MCTP1: variants seen among roughly 807,000 people sequenced by gnomAD.
MCTP1 encodes the protein multiple C2 and transmembrane domain-containing protein 1.
In MCTP1, 69 loss-of-function variants were observed where a neutral mutation model predicts 120.6. The ratio of observed to expected loss-of-function variants is 0.57; its 90% CI spans 0.47 to 0.70. MCTP1 has a LOEUF of 0.70. Among genes scored for constraint, MCTP1 ranks in the 30% least tolerant of loss-of-function variants. The pLI is 0.00. For missense variants in MCTP1, 1,203 were observed against 1,248.8 expected (o/e 0.96, Z 0.55); for synonymous variants, 529 against 493.1 (o/e 1.07, Z -0.96).
chr5:94,997,640 A>G (rs747453362), intron 2 of MCTP1, among the ~76,000 whole-genome samples: 19 of 152,190 alleles, frequency 1.2e-4, no homozygotes, highest in Non-Finnish European at 2.5e-4. Context: ...CTGCCCCTGT[A>G]CTACCTATCA....
chr5:94,735,741 T>C lies in MCTP1; in HGVS notation c.2611-20855A>G, dbSNP rs75500776. On this transcript the variant is annotated intron_variant, in intron 19 of 22. Transcript: ENST00000515393. ...TTCTAAACTACTGATAGACTAAGTATAATTTTTCTTAAGTGCCAATTTCCA... is the reference window on the plus strand; with the variant it reads ...TTCTAAACTACTGATAGACTAAGTACAATTTTTCTTAAGTGCCAATTTCCA... Among the ~76,000 whole-genome samples, 181 of 151,980 alleles carry C rather than the reference T, an allele frequency of 1.2e-3. 1 individual carries two copies. The highest frequency in any genetic ancestry group is 4.3e-3 in the African/African-American group (177 of 41,404).
At chr5:95,002,924 A>G (rs1834004676) in intron 2 of MCTP1, among the ~76,000 whole-genome samples, 4 of 152,208 alleles carry the variant, frequency 2.6e-5, no homozygotes, top group Non-Finnish European at 5.9e-5. Flanking sequence ...ATGTAATCCC[A>G]TAATCCCCAC....
At chr5:95,185,735 C>T (rs1223135748) in intron 1 of MCTP1, among the ~76,000 whole-genome samples, 3 of 151,634 alleles carry the variant, frequency 2.0e-5, no homozygotes, top group East Asian at 1.9e-4. Flanking sequence ...TGGTGGTTCA[C>T]GCCTGTAATC....
intron 19 of MCTP1, among the ~76,000 whole-genome samples, chr5:94,733,449 T>G (rs576898944): frequency 6.6e-6 from 1 of 152,340 alleles, no homozygotes; most frequent in Non-Finnish European, 1.5e-5. Flanking sequence ...TGTGTGTATT[T>G]TGTATCAGCA....
chr5:94,740,033 A>G (rs187571796), intron 19 of MCTP1, among the ~76,000 whole-genome samples: 41 of 152,314 alleles, frequency 2.7e-4, no homozygotes, highest in Admixed American at 2.6e-3. Context: ...GAAGTGCTAC[A>G]GTAATTACTT....
chr5:95,080,527 C>A (rs1754658794), intron 1 of MCTP1, among the ~76,000 whole-genome samples: 1 of 152,144 alleles, frequency 6.6e-6, no homozygotes, highest in African/African-American at 2.4e-5. Context: ...TAATATCTTA[C>A]TAATTCAGTT....
At chr5:94,809,512 C>G (rs1172746816) in intron 17 of MCTP1, among the ~76,000 whole-genome samples, 1 of 152,052 alleles carries the variant, frequency 6.6e-6, no homozygotes, top group Non-Finnish European at 1.5e-5. Context: ...TGTTGATTCT[C>G]CAAGGTCCCT....
intron 19 of MCTP1, among the ~76,000 whole-genome samples, chr5:94,717,570 G>T (rs1474612092): frequency 6.6e-6 from 1 of 152,096 alleles, no homozygotes; most frequent in Non-Finnish European, 1.5e-5. Flanking sequence ...TAGGAACATA[G>T]GAAGTCAAAC....
intron 18 of MCTP1, among the ~76,000 whole-genome samples, chr5:94,782,617 T>C (rs963043868): frequency 9.2e-5 from 14 of 152,092 alleles, no homozygotes; most frequent in Non-Finnish European, 1.6e-4. Flanking sequence ...ACCACCGCTA[T>C]TTAGGATGAG....
chr5:95,078,496 C>G (rs1754168831), intron 1 of MCTP1, among the ~76,000 whole-genome samples: 1 of 152,138 alleles, frequency 6.6e-6, no homozygotes. Context: ...TTAATAAAAG[C>G]CCCCATCTTA....
At chr5:94,783,496 A>G (rs1430348175) in intron 18 of MCTP1, among the ~76,000 whole-genome samples, 2 of 152,098 alleles carry the variant, frequency 1.3e-5, no homozygotes, top group African/African-American at 4.8e-5. Flanking sequence ...GTTAATAGTG[A>G]TGTCAATAAT....
At chr5:95,096,809 G>A (rs562024825) in intron 1 of MCTP1, among the ~76,000 whole-genome samples, 1 of 152,226 alleles carries the variant, frequency 6.6e-6, no homozygotes, top group African/African-American at 2.4e-5. Flanking sequence ...ATATTAAATG[G>A]GGCCAAGAGA....
At chr5:94,773,046 C>T (rs1774438212) in intron 19 of MCTP1, among the ~76,000 whole-genome samples, 1 of 152,162 alleles carries the variant, frequency 6.6e-6, no homozygotes, top group African/African-American at 2.4e-5. Context: ...TTTCTGCGGA[C>T]TCAAAGTGAG....
chr5:95,156,968 A>G (rs781523930), intron 1 of MCTP1, among the ~76,000 whole-genome samples: 3 of 152,184 alleles, frequency 2.0e-5, no homozygotes, highest in Non-Finnish European at 2.9e-5. Context: ...GAGAGAGTCA[A>G]GCTTGCTAAG....
intron 1 of MCTP1, among the ~76,000 whole-genome samples, chr5:95,220,335 CTTT>C (rs554157258): frequency 7.0e-6 from 1 of 142,610 alleles, no homozygotes; most frequent in Admixed American, 7.0e-5. Context: ...TTTCTTCTTC[CTTT>C]TTTTTTTTTT....
intron 1 of MCTP1, among the ~76,000 whole-genome samples, chr5:95,150,757 C>A (rs1449424872): frequency 6.6e-6 from 1 of 151,892 alleles, no homozygotes; most frequent in Non-Finnish European, 1.5e-5. Context: ...AAAATGTTAC[C>A]ACAGAAAGAA....
At chr5:95,275,976 C>T (rs1759793952) in intron 1 of MCTP1, among the ~76,000 whole-genome samples, 1 of 152,112 alleles carries the variant, frequency 6.6e-6, no homozygotes, top group Admixed American at 6.5e-5. Flanking sequence ...GGGACAAGGA[C>T]ACAGAGACAA....
intron 1 of MCTP1, among the ~76,000 whole-genome samples, chr5:95,210,749 C>G (rs1432238353): frequency 4.6e-5 from 7 of 151,700 alleles, no homozygotes; most frequent in African/African-American, 1.7e-4. Context: ...CTCGTTAGTT[C>G]ACGCAGTTTC....
At chr5:94,821,887 T>C (rs1178956636) in intron 17 of MCTP1, among the ~76,000 whole-genome samples, 2 of 152,228 alleles carry the variant, frequency 1.3e-5, no homozygotes, top group African/African-American at 2.4e-5. Context: ...TTCAAACTTA[T>C]GTTGTTTGAG....
Sources: allele counts gnomAD v4.1 joint callset (sites outside exome capture counted in the v4.1 genomes callset), GRCh38; gene constraint gnomAD v4.1.1; transcripts MANE v1.5; gene names NCBI Gene and HGNC (gene_info 2026-07-23, HGNC 2026-07-21).